Variants in YY1 observed in about 807,000 individuals in gnomAD.
YY1 encodes transcriptional repressor protein YY1.
A neutral mutation model predicts 35.6 loss-of-function variants in YY1; 2 were observed. The ratio of observed to expected loss-of-function variants is 0.06; its 90% CI spans 0.02 to 0.18. YY1 has a LOEUF of 0.18. YY1 is among the 10% of genes least tolerant of loss of function. The pLI, the probability that YY1 is intolerant of heterozygous loss-of-function variation, is 1.00. For synonymous variants in YY1, 268 were observed against 238.9 expected (o/e 1.12, Z -1.12); for missense variants, 322 against 573.4 (o/e 0.56, Z 4.48).
Position 100,277,698 on chromosome 14 carries a change from A to G in YY1, c.*98A>G. 1 of 1,326,824 alleles carries G rather than the reference A, an allele frequency of 7.5e-7. No homozygotes were observed. The highest frequency in any genetic ancestry group is 2.5e-5 in the East Asian group (1 of 40,024). The allele number at this position is 1,326,824 out of a possible 1,614,324, so 82.2% of individuals were successfully genotyped here. ...TCCTTTGTATATTATTTCTAGGAAG[A>G]ATTTTAAAAATGAATCCTACACACC... On this transcript the variant is annotated 3_prime_UTR_variant, in exon 5 of 5. Coordinates refer to ENST00000262238, the MANE Select transcript of YY1 (RefSeq NM_003403.5). The surrounding 1 kb of genome is among the most constrained non-coding windows in gnomAD (Gnocchi z 5.6).
chr14:100,277,724 T>A lies in YY1; in HGVS notation c.*124T>A. ...ATTTTAAAAATGAATCCTACACACC[T>A]AAGGGACATGTTTTGATAAAGTAGT... On this transcript the variant is annotated 3_prime_UTR_variant, in exon 5 of 5. Transcript: ENST00000262238. The surrounding 1 kb of genome is among the most constrained non-coding windows in gnomAD (Gnocchi z 5.6). 9.6e-7 allele frequency: 1 copy of A among 1,040,186 alleles called. No homozygotes were observed. The highest frequency in any genetic ancestry group is 1.5e-5 in the South Asian group (1 of 67,172). The allele number at this position is 1,040,186 out of a possible 1,614,324, so 64.4% of individuals were successfully genotyped here.
chr14:100,242,056 T>C (rs1388280153), intron 1 of YY1, among the ~76,000 whole-genome samples: 1 of 151,338 alleles, frequency 6.6e-6, no homozygotes, highest in Admixed American at 6.6e-5. Context: ...ATTTGCAGAA[T>C]TCAGAATACG....
intron 1 of YY1, among the ~76,000 whole-genome samples, chr14:100,242,257 A>G (rs1202627784): frequency 1.3e-5 from 2 of 152,016 alleles, no homozygotes; most frequent in Admixed American, 6.6e-5. Context: ...TGCTTGCTGA[A>G]GTGGTATGTA....
intron 1 of YY1, among the ~76,000 whole-genome samples, chr14:100,246,619 G>C (rs1890837739): frequency 6.6e-6 from 1 of 152,210 alleles, no homozygotes; most frequent in African/African-American, 2.4e-5. Flanking sequence ...TGTAAGACCA[G>C]AAAACCATTG....
chr14:100,239,642 T>A lies in YY1; in HGVS notation c.398T>A (p.Ile133Asn), dbSNP rs1890694152. The change falls in exon 1 of 5, where the codon ATC (isoleucine) becomes AAC (asparagine). Residue 133 changes from isoleucine to asparagine, a missense_variant. Physicochemically the swap from Ile to Asn is moderately radical, Grantham distance 149. Coordinates refer to ENST00000262238, the MANE Select transcript of YY1 (RefSeq NM_003403.5). ...GACGGCTTCGAGGATCAGATTCTCA[T>A]CCCGGTGCCCGCGCCGGCCGGCGGC... is the stretch of plus-strand genomic sequence containing the variant. Reference protein sequence around the residue: ...AEDGFEDQILIPVPAPAGGDD... With the variant: ...AEDGFEDQILNPVPAPAGGDD... The A allele has an allele frequency of 1.2e-6, 2 of 1,610,228 alleles. No homozygotes were observed. Among genetic ancestry groups the A allele is most frequent in the African/African-American group, 1.3e-5 (1 of 74,460 alleles).
intron 2 of YY1, among the ~76,000 whole-genome samples, chr14:100,267,991 G>T (rs1891179353): frequency 6.6e-6 from 1 of 152,176 alleles, no homozygotes; most frequent in African/African-American, 2.4e-5. Context: ...AGGAATTGAT[G>T]CCCGGGACTC....
intron 2 of YY1, among the ~76,000 whole-genome samples, chr14:100,272,965 G>GTTTTTTTTTTT (rs368896214): frequency 7.8e-6 from 1 of 127,706 alleles, no homozygotes; most frequent in African/African-American, 3.0e-5. Context: ...TTTTTTTTTT[G>GTTTTTTTTTTT]TTTTTTTTTT....
In YY1 at chr14:100,239,158, C is replaced by T; in HGVS notation, c.-87C>T. 7.8e-7 allele frequency: 1 copy of T among 1,282,348 alleles called. No individual in the cohort carries two copies. The highest frequency in any genetic ancestry group is 9.8e-7 in the Non-Finnish European group (1 of 1,019,236). 79.4% of individuals were successfully genotyped at this position (1,282,348 alleles called of 1,614,324 possible). On this transcript the variant is annotated 5_prime_UTR_variant, in exon 1 of 5. Transcript: ENST00000262238. ...TCGCCGCCTTCCTCCCTCTGCCTTC[C>T]TTCCCCACGGCCGGCCGCCTCCTCG... is the stretch of plus-strand genomic sequence containing the variant.
In YY1 at chr14:100,280,931, GA is replaced by G. The variant is rs1891412391; in HGVS notation, c.*3333del. 1 of 151,962 alleles carries G rather than the reference GA, an allele frequency of 6.6e-6. No homozygotes were observed. Among genetic ancestry groups the G allele is most frequent in the Non-Finnish European group, 1.5e-5 (1 of 68,026 alleles). 9.4% of individuals were successfully genotyped at this position (151,962 alleles called of 1,614,324 possible). A position where few individuals can be genotyped will look rare whatever the true frequency, so the allele number is the denominator to read the frequency against. On this transcript the variant is annotated 3_prime_UTR_variant, in exon 5 of 5. Coordinates refer to ENST00000262238, the MANE Select transcript of YY1 (RefSeq NM_003403.5). ...CCTGGCCCCCTAAAAAGAAGTTTTG[GA>G]ATTGGAAGCCTGATAATTTCGGGAG...
chr14:100,269,708 A>G (rs1343954750), intron 2 of YY1, among the ~76,000 whole-genome samples: 6 of 152,194 alleles, frequency 3.9e-5, no homozygotes, highest in African/African-American at 1.2e-4. Context: ...AAGGAGGATG[A>G]TTTGCCAAGG....
chr14:100,243,274 G>A (rs1017269127), intron 1 of YY1, among the ~76,000 whole-genome samples: 3 of 152,218 alleles, frequency 2.0e-5, no homozygotes, highest in African/African-American at 7.2e-5. Flanking sequence ...AGCATGGTGG[G>A]CAGCATTACT....
intron 1 of YY1, among the ~76,000 whole-genome samples, chr14:100,241,162 A>G (rs1890734448): frequency 6.6e-6 from 1 of 152,224 alleles, no homozygotes; most frequent in Middle Eastern, 3.2e-3. Flanking sequence ...TTGCTGAGAT[A>G]CTAAATAGAC....
chr14:100,253,002 C>G (rs1890946446), intron 1 of YY1, among the ~76,000 whole-genome samples: 1 of 152,140 alleles, frequency 6.6e-6, no homozygotes, highest in Admixed American at 6.5e-5. Flanking sequence ...GTGATAGTGC[C>G]ACTGCACTCC....
At chr14:100,274,655 C>G in intron 2 of YY1, 43 bp from the exon 3 acceptor site, 1 of 1,557,990 alleles carries the variant, frequency 6.4e-7, no homozygotes, top group Non-Finnish European at 8.9e-7. Flanking sequence ...TTGAGTCTAC[C>G]CACTCCTACA....
chr14:100,264,021 T>G (rs1891120248), intron 2 of YY1: 1 of 151,518 alleles, frequency 6.6e-6, no homozygotes, highest in South Asian at 2.1e-4. Flanking sequence ...GGCTAATTTT[T>G]TTATTTTATT....
At chr14:100,268,450 G>GTGACCACCTTT (rs1414670951) in intron 2 of YY1, among the ~76,000 whole-genome samples, 1 of 152,174 alleles carries the variant, frequency 6.6e-6, no homozygotes, top group Non-Finnish European at 1.5e-5. Flanking sequence ...TTCCTGTAAA[G>GTGACCACCTTT]TGACCACCTT....
intron 2 of YY1, 137 bp downstream of exon 2, chr14:100,262,603 T>TTTTA (rs1891099448): frequency 1.0e-6 from 1 of 992,456 alleles, no homozygotes; most frequent in Admixed American, 2.4e-5. Flanking sequence ...AAGCAGTCAG[T>TTTTA]TTTATTTGTT....
chr14:100,277,262 C>A lies in YY1; in HGVS notation c.1063-156C>A. The A allele has an allele frequency of 1.0e-6, 1 of 954,116 alleles. No homozygotes were observed. The highest frequency in any genetic ancestry group is 1.4e-5 in the South Asian group (1 of 71,374). The allele number at this position is 954,116 out of a possible 1,614,324, so 59.1% of individuals were successfully genotyped here. A position where few individuals can be genotyped will look rare whatever the true frequency, so the allele number is the denominator to read the frequency against. On this transcript the variant is annotated intron_variant, in intron 4 of 4. Coordinates refer to ENST00000262238, the MANE Select transcript of YY1 (RefSeq NM_003403.5). This position sits in a 1 kb window ranked among gnomAD's most constrained non-coding sequence, Gnocchi z 5.6. ...TTTTCGGGGTTGTCCAACCTGCCTG[C>A]TGATTCTAGACTATATCCACAAAGT...
At chr14:100,254,677 G>A (rs944904384) in intron 1 of YY1, among the ~76,000 whole-genome samples, 2 of 151,798 alleles carry the variant, frequency 1.3e-5, no homozygotes, top group East Asian at 1.9e-4. Context: ...GGCTGGTCTC[G>A]AACTCCTGAC....
Sources: gnomAD v4.1 joint callset for allele counts (sites outside exome capture counted in the v4.1 genomes callset) on GRCh38, gnomAD v4.1.1 for gene constraint, Gnocchi (gnomAD v3.1) non-coding constraint, MANE v1.5 for transcripts, NCBI Gene and HGNC (gene_info 2026-07-23, HGNC 2026-07-21) for gene names.